The following USF3 variants were observed in gnomAD, a reference collection of about 807,000 sequenced individuals.
USF3 encodes the protein upstream transcription factor family member 3, also known as basic helix-loop-helix domain-containing protein USF3.
Under a neutral mutation model 157.5 loss-of-function variants are expected in USF3, and 29 were observed. That is an observed-to-expected ratio of 0.18 (90% CI 0.14 to 0.25). The LOEUF is 0.25. Ranked by LOEUF, USF3 falls within the 10% of genes least tolerant of loss-of-function variation. The pLI is 1.00. For missense variants in USF3, 2,381 were observed against 2,667.6 expected, an observed-to-expected ratio of 0.89 and a Z score of 2.37; for synonymous variants, 893 against 941.4, an observed-to-expected ratio of 0.95 and a Z score of 0.94.
Position 113,664,406 on chromosome 3 carries a change from T to G in USF3, c.163A>C (p.Lys55Gln), listed in dbSNP as rs1336907997. The G allele has an allele frequency of 7.6e-6, 12 of 1,582,994 alleles. No homozygotes were observed. Among genetic ancestry groups the G allele is most frequent in the Non-Finnish European group, 1.0e-5 (12 of 1,163,428 alleles). The part of the protein sequence containing the change: ...IPCSPALKQS[K>Q]NMILDQAFKY... ...AAGGCTTGGTCCAGGATCATATTCTTGCTCTGTCCAAGAAAATTTTAAAAG... is the reference window on the plus strand; with the variant it reads ...AAGGCTTGGTCCAGGATCATATTCTGGCTCTGTCCAAGAAAATTTTAAAAG... Residue 55 changes from lysine to glutamine, a missense_variant, in exon 6 of 7, where the codon AAG becomes CAG. By Grantham distance (53) the Lys-to-Gln change is moderately conservative. Coordinates refer to ENST00000316407, the MANE Select transcript of USF3 (RefSeq NM_001009899.4).
chr3:113,658,353 T>A lies in USF3; in HGVS notation c.3329A>T (p.Glu1110Val). 1 of 1,614,140 alleles carries A rather than the reference T, an allele frequency of 6.2e-7. No homozygotes were observed. The highest frequency in any genetic ancestry group is 8.5e-7 in the Non-Finnish European group (1 of 1,180,004). Residue 1110 changes from glutamate to valine, a missense_variant, in exon 7 of 7, where the codon GAA (glutamate) becomes GTA (valine). By Grantham distance (121) the Glu-to-Val change is moderately radical (BLOSUM62 -2). Around this residue, in one of 6 missense-constraint regions of USF3, gnomAD observed 1,435 missense variants for 1,550.9 expected, o/e 0.93. Transcript: ENST00000316407. ...VASMLPETTREDVTSNATTNT... is the reference protein window; with the variant it reads ...VASMLPETTRVDVTSNATTNT... Reference sequence around the variant, plus strand: ...AGTTGTTGCATTGCTGGTCACATCTTCTCTTGTTGTTTCAGGAAGCATGGA... The same window carrying A: ...AGTTGTTGCATTGCTGGTCACATCTACTCTTGTTGTTTCAGGAAGCATGGA...
chr3:113,656,228 A>T lies in USF3; in HGVS notation c.5454T>A (p.Ser1818Arg). Reference protein sequence around the residue: ...SRDSENTCHQSFMQSLLAPHL... With the variant: ...SRDSENTCHQRFMQSLLAPHL... Reference sequence around the variant, plus strand: ...GAGGGGCAAGTAAGCTCTGCATGAAACTTTGGTGACAAGTATTTTCACTGT... The same window carrying T: ...GAGGGGCAAGTAAGCTCTGCATGAATCTTTGGTGACAAGTATTTTCACTGT... Residue 1818 changes from serine (S) to arginine (R), a missense_variant, in exon 7 of 7, where the codon AGT (serine) becomes AGA (arginine). Ser to Arg is a moderately radical substitution (Grantham distance 110). This residue lies in a region of USF3 where 770 missense variants were observed against 824.2 expected (regional missense o/e 0.93). Transcript: ENST00000316407. 6.2e-7 allele frequency: 1 copy of T among 1,614,102 alleles called. No homozygotes were observed. The highest frequency in any genetic ancestry group is 1.7e-5 in the Admixed American group (1 of 60,014).
chr3:113,657,328 G>A lies in USF3; in HGVS notation c.4354C>T (p.His1452Tyr). 6.2e-7 allele frequency: 1 copy of A among 1,613,718 alleles called. No individual in the cohort carries two copies. Among genetic ancestry groups the A allele is most frequent in the Non-Finnish European group, 8.5e-7 (1 of 1,179,834 alleles). The change falls in exon 7 of 7, where the codon CAC (histidine) becomes TAC (tyrosine). Residue 1452 changes from histidine (H) to tyrosine (Y), a missense_variant. Physicochemically the swap from His to Tyr is moderately conservative, Grantham distance 83. Around this residue, in one of 6 missense-constraint regions of USF3, gnomAD observed 1,435 missense variants for 1,550.9 expected, o/e 0.93. Transcript: ENST00000316407. Reference protein sequence around the residue: ...QQHVPAQGVSHLHSNHLYIKQ... With the variant: ...QQHVPAQGVSYLHSNHLYIKQ... ...ATGTAGAGATGGTTACTATGAAGGT[G>A]AGATACACCTTGAGCTGGAACATGC...
At chr3:113,674,492 G>GTA (rs1707232600) in intron 3 of USF3, among the ~76,000 whole-genome samples, 1 of 152,014 alleles carries the variant, frequency 6.6e-6, no homozygotes, top group African/African-American at 2.4e-5. Flanking sequence ...ACAGGTACAT[G>GTA]CCACCATACC....
At chr3:113,663,853 G>A (rs1947523744) in intron 6 of USF3, among the ~76,000 whole-genome samples, 1 of 152,204 alleles carries the variant, frequency 6.6e-6, no homozygotes, top group Non-Finnish European at 1.5e-5. Flanking sequence ...GCAGTTTGAT[G>A]CACACATTAC....
In USF3 at chr3:113,670,174, C is replaced by A; in HGVS notation, c.106G>T (p.Ala36Ser). ...VERHRKKKIN[A>S]GINRIGELIP... ...AGCTCTCCTATTCTGTTTATCCCAGCATTAATTTTCTTCTTTCTATGCCTC... is the reference window on the plus strand; with the variant it reads ...AGCTCTCCTATTCTGTTTATCCCAGAATTAATTTTCTTCTTTCTATGCCTC... Residue 36 changes from alanine to serine, a missense_variant, in exon 5 of 7, where the codon GCT (alanine) becomes TCT (serine). Physicochemically the swap from Ala to Ser is moderately conservative, Grantham distance 99. Around this residue, in one of 6 missense-constraint regions of USF3, gnomAD observed 105 missense variants for 158.6 expected, o/e 0.66. Coordinates refer to ENST00000316407, the MANE Select transcript of USF3 (RefSeq NM_001009899.4). 2.5e-6 allele frequency: 4 copies of A among 1,613,396 alleles called. No individual in the cohort carries two copies. Among genetic ancestry groups the A allele is most frequent in the Non-Finnish European group, 2.5e-6 (3 of 1,179,296 alleles).
intron 1 of USF3, among the ~76,000 whole-genome samples, chr3:113,682,846 GT>G (rs1443824405): frequency 1.4e-5 from 2 of 146,284 alleles, no homozygotes; most frequent in East Asian, 3.9e-4. Context: ...GTGTCTGTGT[GT>G]CTTCATAAGA....
chr3:113,678,196 C>A (rs1707326992), intron 1 of USF3, among the ~76,000 whole-genome samples: 1 of 152,252 alleles, frequency 6.6e-6, no homozygotes, highest in South Asian at 2.1e-4. Flanking sequence ...CAGGCAGTTA[C>A]CTTTAACTGG....
intron 1 of USF3, among the ~76,000 whole-genome samples, chr3:113,692,619 G>C (rs1423916626): frequency 1.3e-5 from 2 of 152,082 alleles, no homozygotes; most frequent in Non-Finnish European, 2.9e-5. Context: ...ACGTTCTTAT[G>C]AGCTGAGTCC....
At position 113,657,579 on chromosome 3, in the gene USF3, G is replaced by C. The variant is rs747651980; in HGVS notation, c.4103C>G (p.Ser1368Cys). 1 of 1,614,080 alleles carries C rather than the reference G, an allele frequency of 6.2e-7. No individual in the cohort carries two copies. The highest frequency in any genetic ancestry group is 1.3e-5 in the African/African-American group (1 of 74,938). ...ACTGACCATCATTTGAGTTTGGTCA[G>C]AAATGGTGTCTGGAGTTCTGCTCAT... Reference protein sequence around the residue: ...SLMSRTPDTISDQTQMMVSQI... With the variant: ...SLMSRTPDTICDQTQMMVSQI... The change falls in exon 7 of 7, where the codon TCT (serine) becomes TGT (cysteine). Residue 1368 changes from serine (S) to cysteine (C), a missense_variant. By Grantham distance (112) the Ser-to-Cys change is moderately radical. Around this residue, in one of 6 missense-constraint regions of USF3, gnomAD observed 1,435 missense variants for 1,550.9 expected, o/e 0.93. Transcript: ENST00000316407.
At chr3:113,668,740 T>C (rs1355937012) in intron 5 of USF3, among the ~76,000 whole-genome samples, 1 of 151,924 alleles carries the variant, frequency 6.6e-6, no homozygotes, top group Non-Finnish European at 1.5e-5. Flanking sequence ...AACCTACATA[T>C]ACTATTCAGA....
At chr3:113,690,658 C>T (rs1478781346) in intron 1 of USF3, among the ~76,000 whole-genome samples, 4 of 152,220 alleles carry the variant, frequency 2.6e-5, no homozygotes, top group African/African-American at 7.2e-5. Flanking sequence ...TATTTTCCCA[C>T]TGAAATGACC....
At chr3:113,676,573 A>C (rs1707287788) in intron 2 of USF3, among the ~76,000 whole-genome samples, 1 of 152,174 alleles carries the variant, frequency 6.6e-6, no homozygotes, top group East Asian at 1.9e-4. Flanking sequence ...CCCTCCCATG[A>C]CACATGGGAT....
chr3:113,676,425 A>G (rs766031623), intron 2 of USF3, among the ~76,000 whole-genome samples: 2 of 152,316 alleles, frequency 1.3e-5, no homozygotes, highest in South Asian at 2.1e-4. Context: ...TATCCTTTAC[A>G]TGGCGGCAGG....
At position 113,656,990 on chromosome 3, in the gene USF3, T is replaced by C. The variant is rs752412950; in HGVS notation, c.4692A>G (p.Gln1564=). Residue 1564 remains glutamine, a synonymous_variant, in exon 7 of 7, where the codon CAA becomes CAG. Coordinates refer to ENST00000316407, the MANE Select transcript of USF3 (RefSeq NM_001009899.4). ...AGCTTCCAAAGTGTTGCTGCATTTG[T>C]TGCTGCATCTGCTGATGGTGGGGAT... is the stretch of plus-strand genomic sequence containing the variant. ...QPHPHHQQMQ[Q]QMQQHFGSSQ... is the part of the protein sequence containing the mutation. 1 of 1,614,178 alleles carries C rather than the reference T, an allele frequency of 6.2e-7. No individual in the cohort carries two copies. Among genetic ancestry groups the C allele is most frequent in the Non-Finnish European group, 8.5e-7 (1 of 1,180,030 alleles).
At chr3:113,670,772 T>C (rs1345742799) in intron 4 of USF3, among the ~76,000 whole-genome samples, 1 of 152,200 alleles carries the variant, frequency 6.6e-6, no homozygotes, top group African/African-American at 2.4e-5. Context: ...TTTGCTTTTT[T>C]TTGAGACAGG....
intron 1 of USF3, among the ~76,000 whole-genome samples, chr3:113,687,804 A>G (rs1707592268): frequency 6.6e-6 from 1 of 152,256 alleles, no homozygotes; most frequent in Non-Finnish European, 1.5e-5. Context: ...AAGGTCCTTT[A>G]AGGCAGGAAC....
Position 113,658,473 on chromosome 3 carries a change from T to A in USF3, c.3209A>T (p.Asp1070Val). 6.2e-7 allele frequency: 1 copy of A among 1,614,086 alleles called. No homozygotes were observed. Among genetic ancestry groups the A allele is most frequent in the Non-Finnish European group, 8.5e-7 (1 of 1,179,952 alleles). ...CAAAGAACCATTAATAACCTCTTGATCAGGGAGGCAGGAATGATGCTGTGG... is the reference window on the plus strand; with the variant it reads ...CAAAGAACCATTAATAACCTCTTGAACAGGGAGGCAGGAATGATGCTGTGG... ...DPPQHHSCLP[D>V]QEVINGSLIN... The change falls in exon 7 of 7, where the codon GAT becomes GTT. Residue 1070 changes from aspartate to valine, a missense_variant. Physicochemically the swap from Asp to Val is radical, Grantham distance 152. This residue lies in a region of USF3 where 1,435 missense variants were observed against 1,550.9 expected (regional missense o/e 0.93). Coordinates refer to ENST00000316407, the MANE Select transcript of USF3 (RefSeq NM_001009899.4).
rs1947383404 is a variant in USF3, at chr3:113,657,330, G to A, written c.4352C>T (p.Ser1451Phe). 6.2e-7 allele frequency: 1 copy of A among 1,613,544 alleles called. No individual in the cohort carries two copies. The highest frequency in any genetic ancestry group is 1.3e-5 in the African/African-American group (1 of 74,826). The change falls in exon 7 of 7, where the codon TCT becomes TTT. Residue 1451 changes from serine (S) to phenylalanine (F), a missense_variant. By Grantham distance (155) the Ser-to-Phe change is radical (BLOSUM62 -2). Coordinates refer to ENST00000316407, the MANE Select transcript of USF3 (RefSeq NM_001009899.4). Reference sequence around the variant, plus strand: ...GTAGAGATGGTTACTATGAAGGTGAGATACACCTTGAGCTGGAACATGCTG... The same window carrying A: ...GTAGAGATGGTTACTATGAAGGTGAAATACACCTTGAGCTGGAACATGCTG... ...LQQHVPAQGV[S>F]HLHSNHLYIK...
Sources: allele counts gnomAD v4.1 joint callset (sites outside exome capture counted in the v4.1 genomes callset), GRCh38; gene constraint gnomAD v4.1.1; regional missense constraint gnomAD v4.1.1; transcripts MANE v1.5; gene names NCBI Gene and HGNC (gene_info 2026-07-23, HGNC 2026-07-21).